Variants in E2F5 observed in about 807,000 individuals in gnomAD.
E2F5 encodes the protein E2F transcription factor 5.
E2F5 carries 23 observed loss-of-function variants against 39.1 expected under a neutral mutation model. The ratio of observed to expected loss-of-function variants is 0.59; its 90% CI spans 0.42 to 0.83. The LOEUF (loss-of-function observed/expected upper bound fraction) is 0.83. Among genes scored for constraint, E2F5 ranks in the 40% least tolerant of loss-of-function variants. The pLI is 0.00. For synonymous variants in E2F5, 145 were observed against 157.8 expected, an observed-to-expected ratio of 0.92 and a Z score of 0.61; for missense variants, 365 against 406.7, an observed-to-expected ratio of 0.90 and a Z score of 0.88.
At chr8:85,178,773 G>A (rs1230343462) in intron 1 of E2F5, among the ~76,000 whole-genome samples, 4 of 152,166 alleles carry the variant, frequency 2.6e-5, no homozygotes, top group Non-Finnish European at 4.4e-5. Context: ...ACTTGCAGGG[G>A]CCAACTCTTC....
intron 1 of E2F5, among the ~76,000 whole-genome samples, chr8:85,190,791 A>G (rs920780249): frequency 6.6e-6 from 1 of 152,012 alleles, no homozygotes; most frequent in African/African-American, 2.4e-5. Context: ...GGCATGAGCC[A>G]CCGTGCCCAG....
At chr8:85,205,975 C>T (rs976631461) in intron 3 of E2F5, among the ~76,000 whole-genome samples, 1 of 152,096 alleles carries the variant, frequency 6.6e-6, no homozygotes, top group African/African-American at 2.4e-5. Context: ...TCACAAAAAT[C>T]AGAATGGCTT....
At chr8:85,182,471 C>T (rs574867988) in intron 1 of E2F5, among the ~76,000 whole-genome samples, 1 of 152,214 alleles carries the variant, frequency 6.6e-6, no homozygotes, top group South Asian at 2.1e-4. Context: ...CAGTAGTCTT[C>T]AAAAATAAAT....
chr8:85,182,097 C>T lies in E2F5; in HGVS notation c.234+4443C>T, dbSNP rs545259842. ...TTTATTCATTATCTCTGCAGCTTCA[C>T]CTACACCATATAGTCTCATTTACAA... On this transcript the variant is annotated intron_variant, in intron 1 of 7. Transcript: ENST00000416274. 9.0e-4 allele frequency among the ~76,000 whole-genome samples: 137 copies of T among 152,266 alleles called. 3 individuals carry two copies. The highest frequency in any genetic ancestry group is 2.6e-4 in the Non-Finnish European group (18 of 68,024).
intron 1 of E2F5, among the ~76,000 whole-genome samples, chr8:85,183,479 A>G (rs1812265082): frequency 2.0e-5 from 3 of 152,360 alleles, no homozygotes; most frequent in African/African-American, 7.2e-5. Flanking sequence ...CATTCATAAT[A>G]GCCAAAATGT....
rs1181309260 is a variant in E2F5, at chr8:85,202,170, G to A, written c.258G>A (p.Arg86=). 4 of 1,610,990 alleles carry A rather than the reference G, an allele frequency of 2.5e-6. No homozygotes were observed. The highest frequency in any genetic ancestry group is 3.4e-6 in the Non-Finnish European group (4 of 1,178,882). ...LKAAADTLAV[R]QKRRIYDITN... is the part of the protein sequence containing the mutation. ...AGGCTGCTGATACTTTGGCTGTGAG[G>A]CAAAAAAGGAGAATTTATGATATCA... is the stretch of plus-strand genomic sequence containing the variant. Residue 86 remains arginine (R), a synonymous_variant, in exon 2 of 8, where the codon AGG becomes AGA. Coordinates refer to ENST00000416274, the MANE Select transcript of E2F5 (RefSeq NM_001951.4).
intron 1 of E2F5, among the ~76,000 whole-genome samples, chr8:85,186,573 G>A (rs1400440913): frequency 6.8e-6 from 1 of 148,082 alleles, no homozygotes; most frequent in Admixed American, 6.8e-5. Flanking sequence ...TATATATGGT[G>A]TGTGTGTATA....
At chr8:85,196,017 TA>T (rs1812572046) in intron 1 of E2F5, among the ~76,000 whole-genome samples, 1 of 152,108 alleles carries the variant, frequency 6.6e-6, no homozygotes, top group African/African-American at 2.4e-5. Flanking sequence ...AATTTTTTTT[TA>T]AAAATTTAAA....
intron 6 of E2F5, among the ~76,000 whole-genome samples, chr8:85,210,740 G>C (rs1173837808): frequency 1.3e-5 from 2 of 151,972 alleles, no homozygotes; most frequent in Non-Finnish European, 2.9e-5. Context: ...TATAAAGCAG[G>C]CAAGCTTTAC....
At chr8:85,206,884 T>C (rs1203871205) in intron 4 of E2F5, among the ~76,000 whole-genome samples, 2 of 152,232 alleles carry the variant, frequency 1.3e-5, no homozygotes, top group Non-Finnish European at 2.9e-5. Flanking sequence ...AATCTGACTT[T>C]CTATGTAAGA....
Position 85,180,726 on chromosome 8 carries a change from C to A in E2F5, c.234+3072C>A, listed in dbSNP as rs1812194327. 2.0e-5 allele frequency among the ~76,000 whole-genome samples: 3 copies of A among 150,104 alleles called. No homozygotes were observed. The South Asian group carries it at 6.4e-4, about 32-fold the overall frequency. ...CCGAGTAGCTGGGACTACAGGCACC[C>A]GCCATCACGCCCGGCTAATTTTTTT... On this transcript the variant is annotated intron_variant, in intron 1 of 7. Coordinates refer to ENST00000416274, the MANE Select transcript of E2F5 (RefSeq NM_001951.4).
chr8:85,189,756 G>A (rs746912674), intron 1 of E2F5, among the ~76,000 whole-genome samples: 2 of 152,120 alleles, frequency 1.3e-5, no homozygotes, highest in Non-Finnish European at 2.9e-5. Context: ...TTATTAGTAG[G>A]TATATAAGTT....
intron 1 of E2F5, among the ~76,000 whole-genome samples, chr8:85,194,691 C>T (rs532492120): frequency 9.4e-4 from 142 of 151,074 alleles, no homozygotes; most frequent in Middle Eastern, 3.2e-3. Context: ...CCTGCCACCG[C>T]GCATGGCTAA....
chr8:85,179,446 G>T (rs1343326437), intron 1 of E2F5, among the ~76,000 whole-genome samples: 1 of 152,082 alleles, frequency 6.6e-6, no homozygotes, highest in African/African-American at 2.4e-5. Flanking sequence ...GTAAAGTTTG[G>T]TATTTCATGA....
intron 1 of E2F5, chr8:85,200,332 A>G (rs748492165): frequency 6.6e-6 from 6 of 914,924 alleles, no homozygotes; most frequent in Admixed American, 6.5e-5. Context: ...TTAGTCATTT[A>G]TATGTTTACA....
chr8:85,179,407 A>G (rs1812151853), intron 1 of E2F5, among the ~76,000 whole-genome samples: 1 of 152,132 alleles, frequency 6.6e-6, no homozygotes, highest in Non-Finnish European at 1.5e-5. Context: ...TAATTGCCCT[A>G]CAGAAGTCAC....
intron 1 of E2F5, among the ~76,000 whole-genome samples, chr8:85,199,217 AG>A (rs750111043): frequency 1.3e-5 from 2 of 151,990 alleles, no homozygotes; most frequent in Admixed American, 6.6e-5. Flanking sequence ...TCCTTGAAGA[AG>A]CTAAGCACCC....
At chr8:85,201,261 T>C (rs1812693562) in intron 1 of E2F5, among the ~76,000 whole-genome samples, 1 of 152,236 alleles carries the variant, frequency 6.6e-6, no homozygotes, top group South Asian at 2.1e-4. Context: ...AGCTAAATCC[T>C]GTTCATTTAG....
In E2F5 at chr8:85,190,497, C is replaced by CTTTTTTT. The variant is rs34804570; in HGVS notation, c.235-11632_235-11626dup. 3.6e-4 allele frequency among the ~76,000 whole-genome samples: 25 copies of CTTTTTTT among 70,332 alleles called. 1 individual carries two copies. Among genetic ancestry groups the CTTTTTTT allele is most frequent in the South Asian group, 6.1e-4 (1 of 1,634 alleles). 46.1% of individuals were successfully genotyped at this position (70,332 alleles called of 152,430 possible). ...TGATTTTAAGATGGGGAGATTTTTCCTTTTTTTTTTTTTTTTTTTTTTTTG... is the reference window on the plus strand; with the variant it reads ...TGATTTTAAGATGGGGAGATTTTTCCTTTTTTTTTTTTTTTTTTTTTTTTTTTTTTTG... On this transcript the variant is annotated intron_variant, in intron 1 of 7. Coordinates refer to ENST00000416274, the MANE Select transcript of E2F5 (RefSeq NM_001951.4).
Sources: gnomAD v4.1 joint callset for allele counts (sites outside exome capture counted in the v4.1 genomes callset) on GRCh38, gnomAD v4.1.1 for gene constraint, MANE v1.5 for transcripts, NCBI Gene and HGNC (gene_info 2026-07-23, HGNC 2026-07-21) for gene names.